CNTLN: variants seen among roughly 807,000 people sequenced by gnomAD.
The protein encoded by CNTLN is centlein, centrosomal protein.
In CNTLN, 212 loss-of-function variants were observed where a neutral mutation model predicts 180.0. That is an observed-to-expected ratio of 1.18 (90% confidence interval 1.05 to 1.32). The LOEUF (loss-of-function observed/expected upper bound fraction) is 1.32, where lower values mean the gene tolerates loss of function less well. Ranked by LOEUF, CNTLN falls within the 40% of genes most tolerant of loss-of-function variation. The probability of loss-of-function intolerance (pLI) is 0.00; values close to 1 mark genes in which losing one functional copy is unlikely to be tolerated. For missense variants in CNTLN, 2,095 were observed against 1,610.9 expected (o/e 1.30, Z -5.14); for synonymous variants, 722 against 563.1 (o/e 1.28, Z -3.99).
intron 13 of CNTLN, among the ~76,000 whole-genome samples, chr9:17,382,708 T>G (rs1282904639): frequency 6.6e-6 from 1 of 152,186 alleles, no homozygotes; most frequent in Non-Finnish European, 1.5e-5. Context: ...TTTATACTAC[T>G]TACAATTGCT....
At chr9:17,161,355 C>T (rs1029070099) in intron 2 of CNTLN, among the ~76,000 whole-genome samples, 3 of 152,190 alleles carry the variant, frequency 2.0e-5, no homozygotes, top group African/African-American at 7.2e-5. Context: ...AATCTAATTT[C>T]CTTGCTATTA....
chr9:17,428,359 G>A (rs989030013), intron 18 of CNTLN, among the ~76,000 whole-genome samples: 1 of 152,122 alleles, frequency 6.6e-6, no homozygotes, highest in African/African-American at 2.4e-5. Flanking sequence ...CATCTTCTAA[G>A]CACTTTGTGT....
At chr9:17,505,701 G>C (rs1252287679), downstream of CNTLN, among the ~76,000 whole-genome samples, 2 of 152,080 alleles carry the variant, frequency 1.3e-5, no homozygotes, top group African/African-American at 4.8e-5. Context: ...GATGCCAGCT[G>C]TCTCCAAATT....
chr9:17,239,670 G>A (rs1172715315), intron 5 of CNTLN, among the ~76,000 whole-genome samples: 2 of 152,104 alleles, frequency 1.3e-5, no homozygotes, highest in African/African-American at 2.4e-5. Context: ...CAGGCCTAAT[G>A]TCATGCTTTT....
chr9:17,492,778 T>G (rs1405935679), intron 25 of CNTLN, among the ~76,000 whole-genome samples: 1 of 152,124 alleles, frequency 6.6e-6, no homozygotes, highest in Non-Finnish European at 1.5e-5. Context: ...AAACAGATAT[T>G]TGTACACCAA....
intron 18 of CNTLN, among the ~76,000 whole-genome samples, chr9:17,431,456 A>T (rs1470724214): frequency 6.6e-6 from 1 of 152,022 alleles, no homozygotes; most frequent in African/African-American, 2.4e-5. Context: ...CCCTTTTCAG[A>T]TGGATACTTT....
At chr9:17,301,808 TATA>T in intron 7 of CNTLN, 1 of 981,598 alleles carries the variant, frequency 1.0e-6, no homozygotes, top group Non-Finnish European at 1.2e-6. Flanking sequence ...CAAAGTCTTT[TATA>T]ATTCCATCTC....
intron 5 of CNTLN, among the ~76,000 whole-genome samples, chr9:17,257,584 G>A (rs1563927042): frequency 6.6e-6 from 1 of 151,328 alleles, no homozygotes; most frequent in Non-Finnish European, 1.5e-5. Flanking sequence ...TTAGTTTACA[G>A]TCCCACCAAC....
intron 5 of CNTLN, among the ~76,000 whole-genome samples, chr9:17,267,734 G>C (rs934394183): frequency 2.0e-5 from 3 of 151,984 alleles, no homozygotes; most frequent in African/African-American, 7.3e-5. Flanking sequence ...GGCTTTGTTC[G>C]TTTCTTTTTA....
chr9:17,423,740 C>G (rs546353765), intron 18 of CNTLN, among the ~76,000 whole-genome samples: 1 of 152,228 alleles, frequency 6.6e-6, no homozygotes, highest in African/African-American at 2.4e-5. Context: ...AAGGACTCCT[C>G]TAGGGCGGGG....
chr9:17,243,540 T>C (rs1162610140), intron 5 of CNTLN, among the ~76,000 whole-genome samples: 1 of 152,192 alleles, frequency 6.6e-6, no homozygotes, highest in Non-Finnish European at 1.5e-5. Flanking sequence ...TGGGAATTTT[T>C]CAGTTTTCTT....
chr9:17,177,137 C>A (rs774623896), intron 2 of CNTLN, among the ~76,000 whole-genome samples: 1 of 152,044 alleles, frequency 6.6e-6, no homozygotes, highest in East Asian at 1.9e-4. Context: ...TGGCTGGGCG[C>A]GGTGGCTCAC....
At chr9:17,444,694 A>T (rs188363508) in intron 18 of CNTLN, among the ~76,000 whole-genome samples, 319 of 152,318 alleles carry the variant, frequency 2.1e-3, no homozygotes, top group Non-Finnish European at 3.7e-3. Flanking sequence ...ATTGTCCTTG[A>T]TGTAGCATAA....
chr9:17,317,789 G>C (rs1025909559), intron 8 of CNTLN, among the ~76,000 whole-genome samples: 3 of 152,168 alleles, frequency 2.0e-5, no homozygotes, highest in Admixed American at 6.5e-5. Flanking sequence ...AGCTTGCCTA[G>C]TAAGGAGGCG....
chr9:17,209,312 T>C (rs1219293251), intron 2 of CNTLN, among the ~76,000 whole-genome samples: 3 of 152,238 alleles, frequency 2.0e-5, no homozygotes, highest in Non-Finnish European at 4.4e-5. Context: ...TTTGAATTTT[T>C]AGGAATTTTT....
chr9:17,290,917 C>G (rs1052175522), intron 6 of CNTLN, among the ~76,000 whole-genome samples: 2 of 152,166 alleles, frequency 1.3e-5, no homozygotes, highest in Non-Finnish European at 2.9e-5. Context: ...CTGGCACTCC[C>G]TAGTGAGAGA....
chr9:17,384,369 C>G (rs1396928570), intron 13 of CNTLN, among the ~76,000 whole-genome samples: 1 of 151,320 alleles, frequency 6.6e-6, no homozygotes, highest in East Asian at 1.9e-4. Flanking sequence ...CTGGTAACTT[C>G]CTTTTTAGAA....
chr9:17,190,818 T>C (rs1210917668), intron 2 of CNTLN, among the ~76,000 whole-genome samples: 2 of 152,090 alleles, frequency 1.3e-5, no homozygotes, highest in African/African-American at 4.8e-5. Flanking sequence ...AAAATTATAA[T>C]TATAGCAATT....
chr9:17,188,666 G>T (rs1171774506), intron 2 of CNTLN, among the ~76,000 whole-genome samples: 2 of 151,938 alleles, frequency 1.3e-5, no homozygotes, highest in African/African-American at 4.8e-5. Flanking sequence ...ATTTTCTTCT[G>T]TACTGTTTAA....
Sources: gnomAD v4.1 joint callset for allele counts (sites outside exome capture counted in the v4.1 genomes callset) on GRCh38, gnomAD v4.1.1 for gene constraint, MANE v1.5 for transcripts, NCBI Gene and HGNC (gene_info 2026-07-23, HGNC 2026-07-21) for gene names.